Variants in RSRC1 observed in about 807,000 individuals in gnomAD.
RSRC1 encodes serine/Arginine-related protein 53.
A neutral mutation model predicts 49.1 loss-of-function variants in RSRC1; 39 were observed. The observed-to-expected ratio is 0.79, with a 90% confidence interval of 0.61 to 1.04. The LOEUF (loss-of-function observed/expected upper bound fraction) is 1.04. RSRC1 is among the 50% of genes least tolerant of loss of function. The pLI is 0.00. For synonymous variants in RSRC1, 143 were observed against 130.8 expected (o/e 1.09, Z -0.63); for missense variants, 388 against 402.4 (o/e 0.96, Z 0.31).
intron 6 of RSRC1, among the ~76,000 whole-genome samples, chr3:158,458,064 G>A (rs1014531337): frequency 1.3e-5 from 2 of 152,076 alleles, no homozygotes; most frequent in Admixed American, 6.6e-5. Context: ...ATTGATGAAC[G>A]TAAAAGTTTG....
intron 7 of RSRC1, among the ~76,000 whole-genome samples, chr3:158,527,544 C>T (rs1289186095): frequency 2.0e-5 from 3 of 151,824 alleles, no homozygotes; most frequent in Non-Finnish European, 1.5e-5. Context: ...CTCTAATAAA[C>T]CAATACATCC....
chr3:158,455,957 G>A (rs1489983512), intron 6 of RSRC1, among the ~76,000 whole-genome samples: 2 of 122,250 alleles, frequency 1.6e-5, no homozygotes, highest in African/African-American at 6.0e-5. Flanking sequence ...TCCAGCCTGG[G>A]GGACAGAGCA....
chr3:158,516,639 C>G (rs938910132), intron 7 of RSRC1, among the ~76,000 whole-genome samples: 17 of 152,186 alleles, frequency 1.1e-4, no homozygotes, highest in African/African-American at 3.6e-4. Flanking sequence ...TGGAGCTTCC[C>G]GGCTGCTTTG....
At chr3:158,224,774 A>G (rs1404171302) in intron 4 of RSRC1, among the ~76,000 whole-genome samples, 1 of 151,858 alleles carries the variant, frequency 6.6e-6, no homozygotes, top group East Asian at 1.9e-4. Context: ...ACCTTCAACT[A>G]GTATTTTAGA....
At chr3:158,374,014 T>A (rs4096806) in intron 6 of RSRC1, among the ~76,000 whole-genome samples, 2,456 of 152,240 alleles carry the variant, frequency 0.016, 64 homozygotes, top group African/African-American at 0.056. Flanking sequence ...ATGGGCGATA[T>A]GTCCCTAATA....
At chr3:158,407,926 G>T (rs1288901844) in intron 6 of RSRC1, among the ~76,000 whole-genome samples, 1 of 152,136 alleles carries the variant, frequency 6.6e-6, no homozygotes. Flanking sequence ...AAGGATTAAT[G>T]AAAAGAACCC....
chr3:158,129,959 G>A (rs1369828101), intron 3 of RSRC1, among the ~76,000 whole-genome samples: 1 of 152,082 alleles, frequency 6.6e-6, no homozygotes, highest in African/African-American at 2.4e-5. Flanking sequence ...ACAATGTTAT[G>A]TAGTTTTCAT....
intron 3 of RSRC1, among the ~76,000 whole-genome samples, chr3:158,150,951 A>G (rs1366824382): frequency 6.6e-6 from 1 of 152,204 alleles, no homozygotes; most frequent in African/African-American, 2.4e-5. Context: ...CAGATTTGCC[A>G]TTACTTCAGT....
rs1166010287 is a variant in RSRC1, at chr3:158,537,494, TAACA to T, written c.759+297_759+300del. Among the ~76,000 whole-genome samples, 3 of 151,662 alleles carry T rather than the reference TAACA, an allele frequency of 2.0e-5. No individual in the cohort carries two copies. The East Asian group carries it at 5.8e-4, about 29-fold the overall frequency. The stretch of plus-strand genomic sequence containing the variant: ...TTCTATAACAGTAATGCACATTTCT[TAACA>T]TACATGGTTTTCTTTTCAAATGTGT... On this transcript the variant is annotated intron_variant, in intron 8 of 9. Coordinates refer to ENST00000611884, the MANE Select transcript of RSRC1 (RefSeq NM_001271838.2).
chr3:158,166,308 TA>T (rs1490247773), intron 3 of RSRC1, among the ~76,000 whole-genome samples: 1 of 152,188 alleles, frequency 6.6e-6, no homozygotes, highest in Non-Finnish European at 1.5e-5. Flanking sequence ...AATCATATGA[TA>T]TCAGATTTAA....
At chr3:158,312,454 T>C (rs1193509) in intron 5 of RSRC1, among the ~76,000 whole-genome samples, 73,202 of 152,004 alleles carry the variant, frequency 0.48, 18,261 homozygotes, top group East Asian at 0.64. Context: ...TCTGTCCTTA[T>C]GAAGTGTAAT....
At chr3:158,329,272 A>G (rs1179466780) in intron 5 of RSRC1, among the ~76,000 whole-genome samples, 19 of 152,152 alleles carry the variant, frequency 1.2e-4, no homozygotes, top group African/African-American at 4.3e-4. Context: ...TTGTTCCATT[A>G]CTTGCGAGGA....
chr3:158,199,155 T>C (rs747024218), intron 3 of RSRC1, among the ~76,000 whole-genome samples: 21 of 152,176 alleles, frequency 1.4e-4, no homozygotes, highest in Non-Finnish European at 1.0e-4. Context: ...ACAAGCTCTT[T>C]CTTTGCCTGC....
At chr3:158,235,492 T>G (rs1723190206) in intron 4 of RSRC1, among the ~76,000 whole-genome samples, 1 of 152,300 alleles carries the variant, frequency 6.6e-6, no homozygotes, top group South Asian at 2.1e-4. Flanking sequence ...CCCCAGCTAA[T>G]GCAAGATGCA....
chr3:158,275,920 G>T, intron 4 of RSRC1: 1 of 706,646 alleles, frequency 1.4e-6, no homozygotes, highest in Non-Finnish European at 2.5e-6. Flanking sequence ...GGCTCTTTTG[G>T]CCTGCAGATG....
chr3:158,516,888 A>T (rs952148482), intron 7 of RSRC1, among the ~76,000 whole-genome samples: 2 of 152,100 alleles, frequency 1.3e-5, no homozygotes, highest in African/African-American at 2.4e-5. Flanking sequence ...CCTTTCTTTG[A>T]CTAGGAAACG....
intron 6 of RSRC1, among the ~76,000 whole-genome samples, chr3:158,416,411 G>A (rs1734739187): frequency 6.6e-6 from 1 of 152,022 alleles, no homozygotes; most frequent in Non-Finnish European, 1.5e-5. Context: ...GAAACTGGCA[G>A]CTTCCACTTC....
At chr3:158,441,653 T>C (rs374091423) in intron 6 of RSRC1, among the ~76,000 whole-genome samples, 17 of 152,232 alleles carry the variant, frequency 1.1e-4, no homozygotes, top group African/African-American at 3.4e-4. Context: ...TAGCATCACA[T>C]GGAACTTGTT....
chr3:158,404,971 A>G (rs934470047), intron 6 of RSRC1, among the ~76,000 whole-genome samples: 27 of 152,126 alleles, frequency 1.8e-4, no homozygotes, highest in Middle Eastern at 3.4e-3. Flanking sequence ...GAAAAAAATC[A>G]CTGTGATTAT....
Sources: allele counts gnomAD v4.1 joint callset (sites outside exome capture counted in the v4.1 genomes callset), GRCh38; gene constraint gnomAD v4.1.1; transcripts MANE v1.5; gene names NCBI Gene and HGNC (gene_info 2026-07-23, HGNC 2026-07-21).